The following CDK17 variants were observed in gnomAD, a reference collection of about 807,000 sequenced individuals.
CDK17 encodes cyclin-dependent kinase 17.
In CDK17, 24 loss-of-function variants were observed where a neutral mutation model predicts 77.6. The ratio of observed to expected loss-of-function variants is 0.31; its 90% CI spans 0.22 to 0.44. CDK17 has a LOEUF of 0.44. Among genes scored for constraint, CDK17 ranks in the 20% least tolerant of loss-of-function variants. The pLI is 1.00. For synonymous variants in CDK17, 203 were observed against 210.4 expected, an observed-to-expected ratio of 0.96 and a Z score of 0.30; for missense variants, 429 against 622.5, an observed-to-expected ratio of 0.69 and a Z score of 3.31.
At chr12:96,372,002 AGTGTGTGTTTGTGT>A (rs1565840449) in intron 1 of CDK17, among the ~76,000 whole-genome samples, 15 of 42,086 alleles carry the variant, frequency 3.6e-4, no homozygotes, top group Admixed American at 2.8e-3. Flanking sequence ...TGTGTGAGTG[AGTGTGTGTTTGTGT>A]GTGTGTGTGT....
chr12:96,362,305 G>A (rs1427790386), intron 1 of CDK17, among the ~76,000 whole-genome samples: 3 of 151,842 alleles, frequency 2.0e-5, no homozygotes, highest in Non-Finnish European at 4.4e-5. Flanking sequence ...TGCAACCTCT[G>A]CCTCCTGGGT....
intron 8 of CDK17, 89 bp from the exon 9 acceptor site, chr12:96,297,421 T>C (rs1952423669): frequency 1.1e-6 from 1 of 913,910 alleles, no homozygotes; most frequent in Non-Finnish European, 1.7e-6. Context: ...AAATTAGTTG[T>C]TTTTCAAGAA....
chr12:96,400,117 G>C lies in CDK17; in HGVS notation c.-161C>G, dbSNP rs1954236729. On this transcript the variant is annotated 5_prime_UTR_variant, in exon 1 of 17. Transcript: ENST00000261211. ...GCCGGCAGACGTGAGGCGCTTCCGA[G>C]CGCAGGCCTCCGCCGCCACAGCCGC... 1 of 393,080 alleles carries C rather than the reference G, an allele frequency of 2.5e-6. No homozygotes were observed. The highest frequency in any genetic ancestry group is 4.5e-6 in the Non-Finnish European group (1 of 222,350). 24.3% of individuals were successfully genotyped at this position (393,080 alleles called of 1,614,324 possible).
intron 2 of CDK17, among the ~76,000 whole-genome samples, chr12:96,327,246 T>C (rs2137131127): frequency 6.6e-6 from 1 of 152,294 alleles, no homozygotes. Context: ...CTTTGTAACT[T>C]CCTTTATATT....
At chr12:96,365,975 C>G (rs1335078399) in intron 1 of CDK17, among the ~76,000 whole-genome samples, 3 of 152,206 alleles carry the variant, frequency 2.0e-5, no homozygotes, top group Admixed American at 1.3e-4. Flanking sequence ...CCTCCTTCCT[C>G]CTTTGGTAGG....
At chr12:96,382,201 T>C (rs745404951) in intron 1 of CDK17, among the ~76,000 whole-genome samples, 3 of 151,926 alleles carry the variant, frequency 2.0e-5, no homozygotes, top group Non-Finnish European at 2.9e-5. Flanking sequence ...ATACAAAAGA[T>C]ATTCAGCCTA....
intron 10 of CDK17, among the ~76,000 whole-genome samples, chr12:96,294,409 T>C (rs776716445): frequency 1.1e-3 from 169 of 151,302 alleles, no homozygotes; most frequent in Non-Finnish European, 2.0e-3. Flanking sequence ...CTGACCAACA[T>C]GGTGGTCACG....
intron 1 of CDK17, among the ~76,000 whole-genome samples, chr12:96,343,652 C>A (rs892071140): frequency 6.6e-6 from 1 of 152,184 alleles, no homozygotes; most frequent in Non-Finnish European, 1.5e-5. Flanking sequence ...ACTTCAGTGA[C>A]TATACACACA....
chr12:96,297,226 T>C lies in CDK17; in HGVS notation c.873+44A>G. ...ATTTCATTATATAATGGTTCACCTA[T>C]GCTTTAAACAAAATTTAAAAATTAC... On this transcript the variant is annotated intron_variant, in intron 9 of 16. Transcript: ENST00000261211. The C allele has an allele frequency of 5.5e-6, 7 of 1,270,570 alleles. No individual in the cohort carries two copies. In the South Asian group the frequency reaches 7.4e-5, roughly 13 times the overall value. 78.7% of individuals were successfully genotyped at this position (1,270,570 alleles called of 1,614,324 possible).
Position 96,298,866 on chromosome 12 carries a change from T to C in CDK17, c.715+3A>G. On this transcript the variant is annotated splice_donor_region_variant and intron_variant, in intron 7 of 16. Transcript: ENST00000261211. ...TTTAAAATGTTCTGTATAATTATTA[T>C]ACCTTCTCTTATAGCTGTGCAGGGT... The C allele has an allele frequency of 6.8e-7, 1 of 1,479,768 alleles. No individual in the cohort carries two copies. Among genetic ancestry groups the C allele is most frequent in the East Asian group, 2.3e-5 (1 of 43,984 alleles). The allele number at this position is 1,479,768 out of a possible 1,614,324, so 91.7% of individuals were successfully genotyped here.
chr12:96,366,900 G>C (rs893587337), intron 1 of CDK17, among the ~76,000 whole-genome samples: 1 of 151,964 alleles, frequency 6.6e-6, no homozygotes, highest in African/African-American at 2.4e-5. Flanking sequence ...AAACACCTAC[G>C]CATATTTTAA....
chr12:96,288,270 C>T (rs1952272441), intron 11 of CDK17, among the ~76,000 whole-genome samples: 2 of 152,012 alleles, frequency 1.3e-5, no homozygotes, highest in Admixed American at 6.6e-5. Context: ...CAACAGAAAT[C>T]GGTATATGAC....
At chr12:96,331,066 G>A (rs550507225) in intron 2 of CDK17, among the ~76,000 whole-genome samples, 1 of 152,216 alleles carries the variant, frequency 6.6e-6, no homozygotes, top group African/African-American at 2.4e-5. Flanking sequence ...CCTGCCTCCT[G>A]AGCAGGTGGG....
intron 1 of CDK17, among the ~76,000 whole-genome samples, chr12:96,368,981 A>G (rs1304785135): frequency 6.6e-6 from 1 of 152,108 alleles, no homozygotes; most frequent in Non-Finnish European, 1.5e-5. Context: ...CAATTTTACT[A>G]CAAAATCCAT....
chr12:96,286,522 G>C (rs1428423515), intron 12 of CDK17, 142 bp downstream of exon 12: 5 of 574,844 alleles, frequency 8.7e-6, no homozygotes, highest in East Asian at 2.9e-5. Context: ...TATCTTCATA[G>C]TGTCCATTCT....
At chr12:96,294,915 T>C in intron 10 of CDK17, 84 bp downstream of exon 10, 1 of 1,164,272 alleles carries the variant, frequency 8.6e-7, no homozygotes. Context: ...ATAAAAGCAA[T>C]GGCACATTAT....
In CDK17 at chr12:96,298,878, T is replaced by G; in HGVS notation, c.706A>C (p.Ile236Leu). ...EHEEGAPCTA[I>L]REVSLLKDLK... ...TGTATAATTATTATACCTTCTCTTA[T>G]AGCTGTGCAGGGTGCACCTTCTTCA... Residue 236 changes from isoleucine (I) to leucine (L), a missense_variant, in exon 7 of 17, where the codon ATA (isoleucine) becomes CTA (leucine). Physicochemically the swap from Ile to Leu is conservative, Grantham distance 5 (BLOSUM62 2). Coordinates refer to ENST00000261211, the MANE Select transcript of CDK17 (RefSeq NM_002595.5). The G allele has an allele frequency of 6.4e-7, 1 of 1,556,898 alleles. No homozygotes were observed. The highest frequency in any genetic ancestry group is 8.8e-7 in the Non-Finnish European group (1 of 1,133,108).
At position 96,385,942 on chromosome 12, in the gene CDK17, C is replaced by T. The variant is rs184620431; in HGVS notation, c.-30+14044G>A. ...TAAAATTAAGAAAACTGCCAACTCC[C>T]GGTAAAACTAAAACGCTCCAAGTAG... On this transcript the variant is annotated intron_variant, in intron 1 of 16. Transcript: ENST00000261211. 2.3e-3 allele frequency among the ~76,000 whole-genome samples: 343 copies of T among 152,108 alleles called. 2 individuals carry two copies. The highest frequency in any genetic ancestry group is 3.7e-3 in the Non-Finnish European group (249 of 67,990).
intron 1 of CDK17, among the ~76,000 whole-genome samples, chr12:96,397,223 T>C (rs1954186395): frequency 1.3e-5 from 2 of 152,122 alleles, no homozygotes; most frequent in South Asian, 2.1e-4. Flanking sequence ...AACAAACATA[T>C]ACGTTAAAAT....
Sources: gnomAD v4.1 joint callset for allele counts (sites outside exome capture counted in the v4.1 genomes callset) on GRCh38, gnomAD v4.1.1 for gene constraint, MANE v1.5 for transcripts, NCBI Gene and HGNC (gene_info 2026-07-23, HGNC 2026-07-21) for gene names.